The following ANKRD13C variants were observed in gnomAD, a reference collection of about 807,000 sequenced individuals.
ANKRD13C encodes ankyrin repeat domain 13C.
ANKRD13C carries 16 observed loss-of-function variants against 65.5 expected under a neutral mutation model. The ratio of observed to expected loss-of-function variants is 0.24; its 90% CI spans 0.17 to 0.37. ANKRD13C has a LOEUF of 0.37. Among genes scored for constraint, ANKRD13C ranks in the 10% least tolerant of loss-of-function variants. ANKRD13C has a pLI of 1.00. For synonymous variants in ANKRD13C, 235 were observed against 238.7 expected (o/e 0.98, Z 0.14); for missense variants, 503 against 655.9 (o/e 0.77, Z 2.55).
intron 4 of ANKRD13C, among the ~76,000 whole-genome samples, chr1:70,314,265 T>C (rs1453312862): frequency 2.0e-5 from 3 of 151,788 alleles, no homozygotes; most frequent in Admixed American, 6.6e-5. Flanking sequence ...ATCGCCCAGG[T>C]TGGAGTGTAG....
intron 1 of ANKRD13C, among the ~76,000 whole-genome samples, chr1:70,337,776 AG>A (rs1682108790): frequency 6.6e-6 from 1 of 152,132 alleles, no homozygotes; most frequent in South Asian, 2.1e-4. Context: ...ATTGGTACTT[AG>A]TACTTTAATA....
intron 6 of ANKRD13C, among the ~76,000 whole-genome samples, chr1:70,303,462 T>TTCAGACAAGAAAATCCTGAAG (rs1558286095): frequency 1.3e-5 from 2 of 152,178 alleles, no homozygotes; most frequent in African/African-American, 2.4e-5. Context: ...AAGGCTTCAC[T>TTCAGACAAGAAAATCCTGAAG]TCAGACAAGA....
At chr1:70,339,817 T>C (rs533131748) in intron 1 of ANKRD13C, among the ~76,000 whole-genome samples, 16 of 21,814 alleles carry the variant, frequency 7.3e-4, no homozygotes, top group African/African-American at 2.6e-3. Flanking sequence ...GTACGTTTAT[T>C]ATTATTATTA....
chr1:70,269,574 G>A (rs549976238), intron 12 of ANKRD13C, among the ~76,000 whole-genome samples: 2 of 152,188 alleles, frequency 1.3e-5, no homozygotes, highest in African/African-American at 4.8e-5. Flanking sequence ...TTATGGCTAT[G>A]GCACACAGCT....
chr1:70,331,082 C>T (rs1478273546), intron 2 of ANKRD13C, among the ~76,000 whole-genome samples: 1 of 152,180 alleles, frequency 6.6e-6, no homozygotes, highest in Non-Finnish European at 1.5e-5. Flanking sequence ...ATAAAAGATT[C>T]TCTTTACCTC....
chr1:70,295,488 C>T (rs184291268), intron 8 of ANKRD13C, among the ~76,000 whole-genome samples: 31 of 152,060 alleles, frequency 2.0e-4, no homozygotes, highest in East Asian at 1.5e-3. Context: ...CCTCGTGATC[C>T]GCCGGCCTCG....
chr1:70,287,686 T>C (rs1479101692), intron 9 of ANKRD13C, among the ~76,000 whole-genome samples: 1 of 152,052 alleles, frequency 6.6e-6, no homozygotes, highest in Non-Finnish European at 1.5e-5. Flanking sequence ...AACACCTATC[T>C]GATGAAGAAT....
At chr1:70,309,846 T>C (rs1266950274) in intron 5 of ANKRD13C, among the ~76,000 whole-genome samples, 3 of 151,846 alleles carry the variant, frequency 2.0e-5, no homozygotes, top group Admixed American at 6.6e-5. Flanking sequence ...GCTATATGCA[T>C]AATGCAAAAT....
chr1:70,330,689 TAC>T (rs978030808), intron 2 of ANKRD13C, among the ~76,000 whole-genome samples: 10 of 151,104 alleles, frequency 6.6e-5, no homozygotes, highest in Non-Finnish European at 1.0e-4. Flanking sequence ...ACAGAATATC[TAC>T]AGTTATTAAA....
chr1:70,313,320 G>C (rs544361901), intron 5 of ANKRD13C, among the ~76,000 whole-genome samples: 1 of 152,090 alleles, frequency 6.6e-6, no homozygotes, highest in South Asian at 2.1e-4. Context: ...CTTGAGCCCA[G>C]GTGTTCTAGA....
At chr1:70,313,527 CAA>C (rs375377368) in intron 5 of ANKRD13C, among the ~76,000 whole-genome samples, 47 of 69,002 alleles carry the variant, frequency 6.8e-4, no homozygotes, top group Non-Finnish European at 6.0e-4. Flanking sequence ...GAACTTGTCT[CAA>C]AAAAAAAAAA....
At chr1:70,274,572 T>C (rs1045207457) in intron 11 of ANKRD13C, 148 bp downstream of exon 11, 21 of 547,628 alleles carry the variant, frequency 3.8e-5, no homozygotes, top group Middle Eastern at 5.1e-4. Flanking sequence ...CCAGAAAAGT[T>C]CTAGAACAGT....
At chr1:70,264,218 G>A (rs1001873305) in intron 12 of ANKRD13C, among the ~76,000 whole-genome samples, 1 of 152,106 alleles carries the variant, frequency 6.6e-6, no homozygotes, top group Non-Finnish European at 1.5e-5. Flanking sequence ...GCTCACGCCT[G>A]TAATCCCAGC....
chr1:70,283,773 A>C (rs1679504444), intron 9 of ANKRD13C, among the ~76,000 whole-genome samples: 2 of 152,016 alleles, frequency 1.3e-5, no homozygotes. Context: ...ACGCCATTGC[A>C]CTCCAGCCTG....
chr1:70,289,612 G>A (rs1055067136), intron 9 of ANKRD13C, among the ~76,000 whole-genome samples: 15 of 150,530 alleles, frequency 1.0e-4, no homozygotes, highest in East Asian at 7.8e-4. Context: ...GACTACAGGC[G>A]CCCGCCACCA....
chr1:70,274,387 T>C (rs1444089263), intron 11 of ANKRD13C, among the ~76,000 whole-genome samples: 1 of 149,600 alleles, frequency 6.7e-6, no homozygotes, highest in Non-Finnish European at 1.5e-5. Flanking sequence ...GGCAGGAGAA[T>C]TGCTTGAACC....
At chr1:70,321,639 C>A (rs973877130) in intron 3 of ANKRD13C, among the ~76,000 whole-genome samples, 1 of 152,104 alleles carries the variant, frequency 6.6e-6, no homozygotes, top group African/African-American at 2.4e-5. Context: ...AAGCTAGGAA[C>A]CATGGGTGAG....
chr1:70,283,532 C>A (rs1164498343), intron 9 of ANKRD13C, among the ~76,000 whole-genome samples: 2 of 151,328 alleles, frequency 1.3e-5, no homozygotes, highest in Non-Finnish European at 2.9e-5. Context: ...AAAAAAAAAT[C>A]CATGCCGGGT....
intron 12 of ANKRD13C, among the ~76,000 whole-genome samples, chr1:70,269,690 A>C (rs1479863383): frequency 1.3e-5 from 2 of 151,832 alleles, no homozygotes; most frequent in Non-Finnish European, 2.9e-5. Flanking sequence ...GGGCAACTAG[A>C]GTGACATTTT....
Sources: gnomAD v4.1 joint callset for allele counts (sites outside exome capture counted in the v4.1 genomes callset) on GRCh38, gnomAD v4.1.1 for gene constraint, MANE v1.5 for transcripts, NCBI Gene and HGNC (gene_info 2026-07-23, HGNC 2026-07-21) for gene names.